The following NPDC1 variants were observed in gnomAD, a reference collection of about 807,000 sequenced individuals.
The protein encoded by NPDC1 is neural proliferation differentiation and control protein 1.
Under a neutral mutation model 32.5 loss-of-function variants are expected in NPDC1, and 18 were observed. That is an observed-to-expected ratio of 0.55 (90% CI 0.38 to 0.82). The LOEUF (loss-of-function observed/expected upper bound fraction) is 0.82. Among genes scored for constraint, NPDC1 ranks in the 40% least tolerant of loss-of-function variants. The probability of loss-of-function intolerance (pLI) is 0.00; values close to 1 mark genes in which losing one functional copy is unlikely to be tolerated. For synonymous variants in NPDC1, 210 were observed against 184.7 expected (o/e 1.14, Z -1.11); for missense variants, 468 against 406.6 (o/e 1.15, Z -1.30).
chr9:137,042,991 G>T lies in NPDC1; in HGVS notation c.195C>A (p.Pro65=). The change falls in exon 2 of 9, where the codon CCC becomes CCA. Residue 65 remains proline (P), a synonymous_variant. Coordinates refer to ENST00000371601, the MANE Select transcript of NPDC1 (RefSeq NM_015392.4). ...GGTCCTCCTGGAAGGGCTGAAGGCA[G>T]GGCCCACAGGCATGTGCACCAGGAG... ...RCPPGAHACG[P]CLQPFQEDQQ... 1 of 1,612,816 alleles carries T rather than the reference G, an allele frequency of 6.2e-7. No homozygotes were observed. The highest frequency in any genetic ancestry group is 8.5e-7 in the Non-Finnish European group (1 of 1,179,902).
rs1489288746 is a variant in NPDC1, at chr9:137,040,047, T to A, written c.809A>T (p.Glu270Val). 1 of 777,786 alleles carries A rather than the reference T, an allele frequency of 1.3e-6. No homozygotes were observed. Among genetic ancestry groups the A allele is most frequent in the Non-Finnish European group, 2.4e-6 (1 of 417,662 alleles). The allele number at this position is 777,786 out of a possible 1,614,324, so 48.2% of individuals were successfully genotyped here. The change falls in exon 8 of 9, where the codon GAG becomes GTG. Residue 270 changes from glutamate (E) to valine (V), a missense_variant. Glu to Val is a moderately radical substitution (Grantham distance 121, BLOSUM62 -2). Transcript: ENST00000371601. ...CLERHKEPPK[E>V]LDTASSDEEN... ...CTCATCCGAGGAGGCCGTGTCCAGC[T>A]CCTTGGGTGGCTCTTTATGCCTGGG...
rs981774418 is a variant in NPDC1 at position 137,039,516 on chromosome 9, G to C, written c.*256C>G. ...CTTTTGTCTCTAGAATTACCCACCC[G>C]TTCCTGCGCTCTACGGTTCTCCATG... On this transcript the variant is annotated 3_prime_UTR_variant, in exon 9 of 9. Coordinates refer to ENST00000371601, the MANE Select transcript of NPDC1 (RefSeq NM_015392.4). 4 of 456,752 alleles carry C rather than the reference G, an allele frequency of 8.8e-6. No individual in the cohort carries two copies. The highest frequency in any genetic ancestry group is 4.0e-5 in the African/African-American group (2 of 49,554). 28.3% of individuals were successfully genotyped at this position (456,752 alleles called of 1,614,324 possible). A position where few individuals can be genotyped will look rare whatever the true frequency, so the allele number is the denominator to read the frequency against.
In NPDC1 at chr9:137,040,007, T is replaced by C; in HGVS notation, c.849A>G (p.Gly283=). 2 of 778,936 alleles carry C rather than the reference T, an allele frequency of 2.6e-6. No individual in the cohort carries two copies. Among genetic ancestry groups the C allele is most frequent in the Non-Finnish European group, 4.8e-6 (2 of 417,912 alleles). The allele number at this position is 778,936 out of a possible 1,614,324, so 48.3% of individuals were successfully genotyped here. The change falls in exon 8 of 9, where the codon GGA becomes GGG. Residue 283 remains glycine (G), a synonymous_variant. Coordinates refer to ENST00000371601, the MANE Select transcript of NPDC1 (RefSeq NM_015392.4). ...TASSDEENED[G]DFTVYECPGL... ...CCGGGCACTCGTACACCGTGAAGTC[T>C]CCGTCCTCATTCTCCTCATCCGAGG...
chr9:137,045,792 G>C (rs1403781915), intron 1 of NPDC1, 86 bp downstream of exon 1: 44 of 884,476 alleles, frequency 5.0e-5, no homozygotes, highest in Non-Finnish European at 4.3e-5. Context: ...GGCAGGACGA[G>C]GGCGGCGGCG....
Position 137,046,038 on chromosome 9 carries a change from C to G in NPDC1, c.-49G>C. 1.7e-6 allele frequency: 2 copies of G among 1,171,204 alleles called. No individual in the cohort carries two copies. Among genetic ancestry groups the G allele is most frequent in the Non-Finnish European group, 2.1e-6 (2 of 948,518 alleles). The allele number at this position is 1,171,204 out of a possible 1,614,324, so 72.6% of individuals were successfully genotyped here. A position where few individuals can be genotyped will look rare whatever the true frequency, so the allele number is the denominator to read the frequency against. ...GCATGGCACCGCGAGGCCAGGGGCTCGGCGCGGGCTCCGGGCTCCGCGTCG... is the reference window on the plus strand; with the variant it reads ...GCATGGCACCGCGAGGCCAGGGGCTGGGCGCGGGCTCCGGGCTCCGCGTCG... On this transcript the variant is annotated 5_prime_UTR_variant, in exon 1 of 9. Transcript: ENST00000371601.
Position 137,045,892 on chromosome 9 carries a change from G to T in NPDC1, c.98C>A (p.Ala33Asp). 1 of 1,114,132 alleles carries T rather than the reference G, an allele frequency of 9.0e-7. No homozygotes were observed. Among genetic ancestry groups the T allele is most frequent in the African/African-American group, 1.7e-5 (1 of 60,216 alleles). 69.0% of individuals were successfully genotyped at this position (1,114,132 alleles called of 1,614,324 possible). A position where few individuals can be genotyped will look rare whatever the true frequency, so the allele number is the denominator to read the frequency against. ...CGCTCGCTCACCCGGGTGGCCGGCG[G>T]CGGCTCCACGCAGGGCGGCGCCGAG... The part of the protein sequence containing the change: ...LVLGAALRGA[A>D]AGHPDVAACP... The change falls in exon 1 of 9, where the codon GCC becomes GAC. Residue 33 changes from alanine to aspartate, a missense_variant. Transcript: ENST00000371601.
intron 2 of NPDC1, 196 bp downstream of exon 2, chr9:137,042,731 T>C: frequency 1.6e-6 from 1 of 610,222 alleles, no homozygotes; most frequent in Non-Finnish European, 2.9e-6. Flanking sequence ...GGCTACTTTG[T>C]ATTTTTAGTA....
rs368060590 is a variant in NPDC1 at position 137,041,039 on chromosome 9, G to A, written c.385+23C>T. 68 of 1,519,816 alleles carry A rather than the reference G, an allele frequency of 4.5e-5. No homozygotes were observed. The African/African-American group carries it at 7.2e-4, about 16-fold the overall frequency. The allele number at this position is 1,519,816 out of a possible 1,614,324, so 94.1% of individuals were successfully genotyped here. A position where few individuals can be genotyped will look rare whatever the true frequency, so the allele number is the denominator to read the frequency against. On this transcript the variant is annotated intron_variant, in intron 3 of 8. Transcript: ENST00000371601. ...CACTGGGCTAGGGACAGGGCCGTGG[G>A]GCAGGGGAAGCGGGGGTCTCACCAG...
chr9:137,040,308 G>A, intron 7 of NPDC1, 49 bp downstream of exon 7: 1 of 1,488,630 alleles, frequency 6.7e-7, no homozygotes, highest in Non-Finnish European at 9.0e-7. Context: ...GTGGAGGTGG[G>A]GATGGGGGGT....
At position 137,039,622 on chromosome 9, in the gene NPDC1, C is replaced by T; in HGVS notation, c.*150G>A. On this transcript the variant is annotated 3_prime_UTR_variant, in exon 9 of 9. Coordinates refer to ENST00000371601, the MANE Select transcript of NPDC1 (RefSeq NM_015392.4). ...TGTCCTGGCACAAAGGTTCGGGGGTCTCCCTGGCAAGGGGTCCCAGGGCCT... is the reference window on the plus strand; with the variant it reads ...TGTCCTGGCACAAAGGTTCGGGGGTTTCCCTGGCAAGGGGTCCCAGGGCCT... 1.7e-6 allele frequency: 1 copy of T among 591,396 alleles called. No individual in the cohort carries two copies. Among genetic ancestry groups the T allele is most frequent in the Non-Finnish European group, 3.0e-6 (1 of 332,212 alleles). 36.6% of individuals were successfully genotyped at this position (591,396 alleles called of 1,614,324 possible).
intron 1 of NPDC1, chr9:137,043,360 T>C (rs1333501201): frequency 7.0e-6 from 5 of 715,812 alleles, no homozygotes; most frequent in Non-Finnish European, 1.3e-5. Flanking sequence ...GTCCAGGCAG[T>C]GCTGAGTTCT....
chr9:137,045,549 C>G (rs1351945590), intron 1 of NPDC1, among the ~76,000 whole-genome samples: 1 of 152,212 alleles, frequency 6.6e-6, no homozygotes, highest in Non-Finnish European at 1.5e-5. Context: ...GGCAGACTCC[C>G]GGCGGGCCCG....
At chr9:137,040,279 A>C in intron 7 of NPDC1, 78 bp downstream of exon 7, 1 of 988,366 alleles carries the variant, frequency 1.0e-6, no homozygotes. Flanking sequence ...AAAGTTGGCC[A>C]GGGGAGGTGG....
rs750903015 is a variant in NPDC1 at position 137,040,780 on chromosome 9, C to T, written c.556+34G>A. ...TGAGGGCGGCCTTCTGCAGGGCGCC[C>T]TGCTGCCCCTGCCCACCCCCGACCA... On this transcript the variant is annotated intron_variant, in intron 4 of 8. Coordinates refer to ENST00000371601, the MANE Select transcript of NPDC1 (RefSeq NM_015392.4). 5.1e-6 allele frequency: 8 copies of T among 1,583,834 alleles called. No individual in the cohort carries two copies. In the East Asian group the frequency reaches 1.8e-4, roughly 36 times the overall value.
chr9:137,046,040 G>A lies in NPDC1; in HGVS notation c.-51C>T. On this transcript the variant is annotated 5_prime_UTR_variant, in exon 1 of 9. Coordinates refer to ENST00000371601, the MANE Select transcript of NPDC1 (RefSeq NM_015392.4). The stretch of plus-strand genomic sequence containing the variant: ...ATGGCACCGCGAGGCCAGGGGCTCG[G>A]CGCGGGCTCCGGGCTCCGCGTCGGG... 2 of 1,170,278 alleles carry A rather than the reference G, an allele frequency of 1.7e-6. No individual in the cohort carries two copies. 72.5% of individuals were successfully genotyped at this position (1,170,278 alleles called of 1,614,324 possible).
chr9:137,042,967 G>A lies in NPDC1; in HGVS notation c.219C>T (p.Asp73=). 6.2e-7 allele frequency: 1 copy of A among 1,610,938 alleles called. No individual in the cohort carries two copies. Among genetic ancestry groups the A allele is most frequent in the Non-Finnish European group, 8.5e-7 (1 of 1,178,670 alleles). The part of the protein sequence containing the change: ...CGPCLQPFQE[D]QQGLCVPRMR... ...TCCTGGGCACACAGAGCCCTTGCTG[G>A]TCCTCCTGGAAGGGCTGAAGGCAGG... Residue 73 remains aspartate, a synonymous_variant, in exon 2 of 9, where the codon GAC becomes GAT. Coordinates refer to ENST00000371601, the MANE Select transcript of NPDC1 (RefSeq NM_015392.4).
chr9:137,041,231 AG>A, intron 2 of NPDC1, 44 bp from the exon 3 acceptor site: 11 of 1,379,544 alleles, frequency 8.0e-6, no homozygotes, highest in Non-Finnish European at 9.4e-6. Flanking sequence ...TCCGTCCAGG[AG>A]GTAGCCCCAG....
chr9:137,043,487 T>C (rs1398904065), intron 1 of NPDC1: 3 of 613,688 alleles, frequency 4.9e-6, no homozygotes, highest in Non-Finnish European at 9.0e-6. Context: ...GGTCTGTCTC[T>C]GGGGAGCAGC....
chr9:137,040,315 G>T (rs1358074912), intron 7 of NPDC1, 42 bp downstream of exon 7: 1 of 1,477,098 alleles, frequency 6.8e-7, no homozygotes, highest in Non-Finnish European at 9.1e-7. Context: ...TGGGGATGGG[G>T]GGTGGGTGGG....
Sources: gnomAD v4.1 joint callset for allele counts (sites outside exome capture counted in the v4.1 genomes callset) on GRCh38, gnomAD v4.1.1 for gene constraint, MANE v1.5 for transcripts, NCBI Gene and HGNC (gene_info 2026-07-23, HGNC 2026-07-21) for gene names.